The following GARRE1 variants were observed in gnomAD, a reference collection of about 807,000 sequenced individuals.
GARRE1 encodes the protein granule associated Rac and RHOG effector protein 1.
In GARRE1, 49 loss-of-function variants were observed where a neutral mutation model predicts 103.2. That is an observed-to-expected ratio of 0.47 (90% CI 0.38 to 0.60). GARRE1 has a LOEUF of 0.60. Ranked by LOEUF, GARRE1 falls within the 20% of genes least tolerant of loss-of-function variation. The pLI is 0.00. For synonymous variants in GARRE1, 505 were observed against 532.8 expected (o/e 0.95, Z 0.72); for missense variants, 1,199 against 1,370.5 (o/e 0.87, Z 1.98).
At chr19:34,320,194 A>G in intron 3 of GARRE1, 78 bp downstream of exon 3, 1 of 1,174,950 alleles carries the variant, frequency 8.5e-7, no homozygotes, top group Non-Finnish European at 1.2e-6. Context: ...GTTGATTCTC[A>G]AAACAGCCAT....
chr19:34,302,382 C>G (rs938369700), intron 2 of GARRE1, among the ~76,000 whole-genome samples: 10 of 149,882 alleles, frequency 6.7e-5, no homozygotes, highest in African/African-American at 2.5e-4. Context: ...GCAACATCGC[C>G]TCCCAGGTTC....
At chr19:34,316,592 G>GA (rs1236290700) in intron 2 of GARRE1, among the ~76,000 whole-genome samples, 1 of 152,246 alleles carries the variant, frequency 6.6e-6, no homozygotes, top group African/African-American at 2.4e-5. Context: ...TCTCTCAAGA[G>GA]AAGGTGGTGG....
chr19:34,307,146 A>T (rs770754413), intron 2 of GARRE1, among the ~76,000 whole-genome samples: 27 of 152,112 alleles, frequency 1.8e-4, no homozygotes, highest in Admixed American at 4.6e-4. Flanking sequence ...GTGAGGTCAG[A>T]AGGGTAAAGA....
intron 1 of GARRE1, among the ~76,000 whole-genome samples, chr19:34,256,497 G>GC (rs2073673793): frequency 2.7e-5 from 4 of 149,932 alleles, no homozygotes; most frequent in Admixed American, 2.7e-4. Context: ...TCCAGCCTGG[G>GC]CAACAGAGTG....
At position 34,353,240 on chromosome 19, in the gene GARRE1, ACT is replaced by A. The variant is rs1404133854; in HGVS notation, c.*288_*289del. 11 of 433,526 alleles carry A rather than the reference ACT, an allele frequency of 2.5e-5. No homozygotes were observed. Among genetic ancestry groups the A allele is most frequent in the Non-Finnish European group, 4.5e-5 (11 of 244,634 alleles). 26.9% of individuals were successfully genotyped at this position (433,526 alleles called of 1,614,324 possible). On this transcript the variant is annotated 3_prime_UTR_variant, in exon 14 of 14. Coordinates refer to ENST00000299505, the MANE Select transcript of GARRE1 (RefSeq NM_014686.5). ...GCATGCCTAGTAAGCGCCACAGGTG[ACT>A]CTGATGCAGGCGCCACAGCCACACT...
chr19:34,301,090 C>A (rs1180187537), intron 2 of GARRE1, 122 bp downstream of exon 2: 3 of 1,075,412 alleles, frequency 2.8e-6, no homozygotes, highest in African/African-American at 3.2e-5. Flanking sequence ...GCTGTTGGTA[C>A]TCTGTCTTTG....
At chr19:34,260,325 T>G (rs1484596346) in intron 1 of GARRE1, among the ~76,000 whole-genome samples, 1 of 152,228 alleles carries the variant, frequency 6.6e-6, no homozygotes, top group Non-Finnish European at 1.5e-5. Flanking sequence ...GACTACAATA[T>G]AGTGTAAATA....
At chr19:34,302,745 T>G (rs1241864568) in intron 2 of GARRE1, among the ~76,000 whole-genome samples, 4 of 150,730 alleles carry the variant, frequency 2.7e-5, no homozygotes, top group South Asian at 2.1e-4. Flanking sequence ...AGTTTTTTTT[T>G]TTTTTTTTTT....
At chr19:34,329,843 G>GA (rs201786458) in intron 6 of GARRE1, among the ~76,000 whole-genome samples, 1,957 of 136,206 alleles carry the variant, frequency 0.014, 48 homozygotes, top group African/African-American at 0.047. Flanking sequence ...TCTCAAAAAA[G>GA]AAAAAAAAAA....
At chr19:34,283,145 T>C (rs1053026853) in intron 1 of GARRE1, among the ~76,000 whole-genome samples, 61 of 152,226 alleles carry the variant, frequency 4.0e-4, no homozygotes, top group African/African-American at 1.5e-3. Flanking sequence ...CCACTCTCTT[T>C]TCTCTGTTGG....
In GARRE1 at chr19:34,335,282, T is replaced by G. The variant is rs897355343; in HGVS notation, c.1361+1481T>G. Among the ~76,000 whole-genome samples, 7 of 152,212 alleles carry G rather than the reference T, an allele frequency of 4.6e-5. No individual in the cohort carries two copies. In the East Asian group the frequency reaches 1.3e-3, roughly 29 times the overall value. On this transcript the variant is annotated intron_variant, in intron 8 of 13. Coordinates refer to ENST00000299505, the MANE Select transcript of GARRE1 (RefSeq NM_014686.5). ...CAGTTTCACCTCTAGAAATTTATCT[T>G]TGTGATATGTATTCACATTCAGCTA... is the stretch of plus-strand genomic sequence containing the variant.
chr19:34,298,040 T>C (rs554177788), intron 1 of GARRE1, among the ~76,000 whole-genome samples: 3 of 152,282 alleles, frequency 2.0e-5, no homozygotes, highest in Admixed American at 6.5e-5. Context: ...ATGAGTTACA[T>C]TTAATTATAT....
intron 2 of GARRE1, among the ~76,000 whole-genome samples, chr19:34,315,780 G>A (rs1010888934): frequency 6.7e-6 from 1 of 149,172 alleles, no homozygotes; most frequent in African/African-American, 2.5e-5. Context: ...ATTAAAATCT[G>A]TTTTACAATC....
intron 1 of GARRE1, among the ~76,000 whole-genome samples, chr19:34,255,261 G>A (rs1388265250): frequency 6.6e-6 from 1 of 152,244 alleles, no homozygotes; most frequent in African/African-American, 2.4e-5. Context: ...AGAGTCAGGG[G>A]TGTGTCTTTC....
rs201681765 is a variant in GARRE1, at chr19:34,342,059, A to T, written c.2125A>T (p.Thr709Ser). The change falls in exon 10 of 14, where the codon ACA becomes TCA. Residue 709 changes from threonine to serine, a missense_variant. Coordinates refer to ENST00000299505, the MANE Select transcript of GARRE1 (RefSeq NM_014686.5). Reference sequence around the variant, plus strand: ...ACGGGCACCCCAGGCTGGGGCACACACACCTCTGACACCCCAGCCGGGACT... The same window carrying T: ...ACGGGCACCCCAGGCTGGGGCACACTCACCTCTGACACCCCAGCCGGGACT... ...PPRAPQAGAHTPLTPQPGLAP... is the reference protein window; with the variant it reads ...PPRAPQAGAHSPLTPQPGLAP... The T allele has an allele frequency of 6.2e-7, 1 of 1,614,054 alleles. No individual in the cohort carries two copies. The highest frequency in any genetic ancestry group is 1.3e-5 in the African/African-American group (1 of 75,020).
At chr19:34,327,670 C>A in intron 4 of GARRE1, 101 bp from the exon 5 acceptor site, 4 of 1,457,444 alleles carry the variant, frequency 2.7e-6, no homozygotes, top group Non-Finnish European at 3.8e-6. Flanking sequence ...AGTAATTGAC[C>A]TTTTAATAGC....
chr19:34,292,603 TC>T (rs2073924428), intron 1 of GARRE1, among the ~76,000 whole-genome samples: 1 of 152,148 alleles, frequency 6.6e-6, no homozygotes, highest in African/African-American at 2.4e-5. Context: ...TGAGACAGCG[TC>T]TCACTCTGTT....
intron 6 of GARRE1, among the ~76,000 whole-genome samples, chr19:34,329,135 G>A (rs1282934159): frequency 1.3e-5 from 2 of 152,234 alleles, no homozygotes; most frequent in Admixed American, 1.3e-4. Context: ...GCTCACCCAT[G>A]AGGTAGGGGT....
In GARRE1 at chr19:34,339,994, T is replaced by C. The variant is rs1220001256; in HGVS notation, c.1487+2T>C. ...CCTAAACCGCTGGAGGGCTGGAAGG[T>C]TGGTGTCTGTGGTTTGCATTAGATG... On this transcript the variant is annotated splice_donor_variant, in intron 9 of 13. Coordinates refer to ENST00000299505, the MANE Select transcript of GARRE1 (RefSeq NM_014686.5). LOFTEE classifies it high-confidence loss of function. The C allele has an allele frequency of 3.1e-6, 5 of 1,614,108 alleles. No individual in the cohort carries two copies. Among genetic ancestry groups the C allele is most frequent in the Middle Eastern group, 1.6e-4 (1 of 6,062 alleles).
Sources: gnomAD v4.1 joint callset for allele counts (sites outside exome capture counted in the v4.1 genomes callset) on GRCh38, gnomAD v4.1.1 for gene constraint, MANE v1.5 for transcripts, NCBI Gene and HGNC (gene_info 2026-07-23, HGNC 2026-07-21) for gene names.